The following VAMP7 variants were observed in gnomAD, a reference collection of about 807,000 sequenced individuals.
The protein encoded by VAMP7 is vesicle-associated membrane protein 7.
VAMP7 carries 14 observed loss-of-function variants against 29.6 expected under a neutral mutation model. That is an observed-to-expected ratio of 0.47 (90% CI 0.31 to 0.74). VAMP7 has a LOEUF of 0.74. VAMP7 is among the 30% of genes least tolerant of loss of function. The pLI is 0.05. For missense variants in VAMP7, 223 were observed against 262.4 expected (o/e 0.85, Z 1.04); for synonymous variants, 95 against 88.1 (o/e 1.08, Z -0.44).
intron 6 of VAMP7, among the ~76,000 whole-genome samples, chrX:155,923,968 C>T (rs1379277473): frequency 6.6e-6 from 1 of 152,054 alleles, no homozygotes; most frequent in Non-Finnish European, 1.5e-5. Flanking sequence ...CCATGTGTCT[C>T]CTTAACATGT....
intron 6 of VAMP7, among the ~76,000 whole-genome samples, chrX:155,927,655 T>C (rs1405979295): frequency 6.6e-6 from 1 of 151,954 alleles, no homozygotes; most frequent in Non-Finnish European, 1.5e-5. Flanking sequence ...TTTCTTATAA[T>C]GTTGATCTAC....
intron 6 of VAMP7, among the ~76,000 whole-genome samples, chrX:155,935,085 G>T (rs1421202002): frequency 6.6e-6 from 1 of 152,052 alleles, no homozygotes; most frequent in African/African-American, 2.4e-5. Context: ...TAGTCTGATG[G>T]GCTTCCCTTT....
chrX:155,901,577 G>T (rs1333654971), intron 5 of VAMP7, among the ~76,000 whole-genome samples: 1 of 152,090 alleles, frequency 6.6e-6, no homozygotes, highest in African/African-American at 2.4e-5. Flanking sequence ...TCCAGTTTCA[G>T]CTTTCTACAT....
intron 2 of VAMP7, among the ~76,000 whole-genome samples, chrX:155,895,002 G>C (rs1288956520): frequency 6.6e-6 from 1 of 152,070 alleles, no homozygotes; most frequent in Non-Finnish European, 1.5e-5. Context: ...AAGTCTTTCT[G>C]GTTACCCTTT....
At chrX:155,925,359 A>G (rs1380468468) in intron 6 of VAMP7, among the ~76,000 whole-genome samples, 1 of 152,216 alleles carries the variant, frequency 6.6e-6, no homozygotes, top group Non-Finnish European at 1.5e-5. Flanking sequence ...ATAAGACTTG[A>G]AAGTTGAAAT....
intron 6 of VAMP7, among the ~76,000 whole-genome samples, chrX:155,920,188 C>T (rs893427425): frequency 3.9e-5 from 6 of 152,146 alleles, no homozygotes; most frequent in African/African-American, 7.2e-5. Context: ...CAGTCTGTTC[C>T]CTTTACAAAT....
intron 1 of VAMP7, among the ~76,000 whole-genome samples, chrX:155,885,531 C>T (rs1174789428): frequency 3.3e-5 from 5 of 152,062 alleles, no homozygotes; most frequent in African/African-American, 4.8e-5. Context: ...AGTCCTAACC[C>T]GTGGTACCTG....
At chrX:155,933,968 A>C (rs1014122640) in intron 6 of VAMP7, among the ~76,000 whole-genome samples, 3 of 152,212 alleles carry the variant, frequency 2.0e-5, no homozygotes, top group Non-Finnish European at 4.4e-5. Flanking sequence ...CCCAGTAGTC[A>C]TTCAGGAGCA....
Sources: gnomAD v4.1 joint callset for allele counts (sites outside exome capture counted in the v4.1 genomes callset) on GRCh38, gnomAD v4.1.1 for gene constraint, MANE v1.5 for transcripts, NCBI Gene and HGNC (gene_info 2026-07-23, HGNC 2026-07-21) for gene names.